GSPT1: variants seen among roughly 807,000 people sequenced by gnomAD.
GSPT1 encodes eukaryotic peptide chain release factor GTP-binding subunit ERF3A.
Under a neutral mutation model 72.5 loss-of-function variants are expected in GSPT1, and 20 were observed. The observed-to-expected ratio is 0.28, with a 90% confidence interval of 0.19 to 0.40. The LOEUF (loss-of-function observed/expected upper bound fraction) is 0.40, where lower values mean the gene tolerates loss of function less well. Ranked by LOEUF, GSPT1 falls within the 10% of genes least tolerant of loss-of-function variation. The pLI, the probability that GSPT1 is intolerant of heterozygous loss-of-function variation, is 1.00. For missense variants in GSPT1, 580 were observed against 811.9 expected, an observed-to-expected ratio of 0.71 and a Z score of 3.47; for synonymous variants, 334 against 293.5, an observed-to-expected ratio of 1.14 and a Z score of -1.41.
intron 1 of GSPT1, among the ~76,000 whole-genome samples, chr16:11,914,821 G>A (rs1351701143): frequency 6.6e-6 from 1 of 152,182 alleles, no homozygotes; most frequent in African/African-American, 2.4e-5. Flanking sequence ...AGGCTGCAAT[G>A]CATCTTGGGA....
Position 11,883,036 on chromosome 16 carries a change from C to T in GSPT1, c.1407G>A (p.Gln469=), listed in dbSNP as rs768847577. Residue 469 remains glutamine, a synonymous_variant, in exon 11 of 15, where the codon CAG becomes CAA. Coordinates refer to ENST00000434724, the MANE Select transcript of GSPT1 (RefSeq NM_002094.4). ...TTACCTTGTTTGGCATCATCACAAG[C>T]TGCTGGCCTTTACAAATAGATCCTG... ...LESGSICKGQ[Q]LVMMPNKHNV... is the part of the protein sequence containing the mutation. 2 of 1,602,558 alleles carry T rather than the reference C, an allele frequency of 1.2e-6. No individual in the cohort carries two copies. The highest frequency in any genetic ancestry group is 1.3e-5 in the African/African-American group (1 of 74,820).
chr16:11,901,707 G>A (rs1449591044), intron 1 of GSPT1, among the ~76,000 whole-genome samples: 3 of 151,436 alleles, frequency 2.0e-5, no homozygotes, highest in Non-Finnish European at 4.4e-5. Context: ...CAGGAGAATC[G>A]CTTGAGCCCA....
chr16:11,901,360 A>T (rs749154881), intron 1 of GSPT1, among the ~76,000 whole-genome samples: 1 of 152,150 alleles, frequency 6.6e-6, no homozygotes, highest in Non-Finnish European at 1.5e-5. Context: ...AATTTCTCAC[A>T]TCCTACATGG....
intron 14 of GSPT1, among the ~76,000 whole-genome samples, chr16:11,874,496 A>G (rs1042995015): frequency 1.2e-4 from 14 of 116,878 alleles, no homozygotes; most frequent in African/African-American, 4.2e-4. Context: ...AAGCCAAGTT[A>G]GCTTTTAGGA....
chr16:11,888,039 G>A (rs1306603123), intron 6 of GSPT1, among the ~76,000 whole-genome samples: 2 of 152,170 alleles, frequency 1.3e-5, no homozygotes, highest in Non-Finnish European at 2.9e-5. Context: ...GAGCCCACCT[G>A]TAGTACTTAG....
Position 11,915,789 on chromosome 16 carries a change from G to A in GSPT1, c.-69C>T, listed in dbSNP as rs772243078. 6 of 1,580,004 alleles carry A rather than the reference G, an allele frequency of 3.8e-6. No homozygotes were observed. In the South Asian group the frequency reaches 4.4e-5, roughly 12 times the overall value. The stretch of plus-strand genomic sequence containing the variant: ...GAGGCAGGGGCGCCCGGCCGGAGAG[G>A]AGTGGGCAACGCTGACTGAGGGAAG... On this transcript the variant is annotated 5_prime_UTR_variant, in exon 1 of 15. Transcript: ENST00000434724.
chr16:11,916,410 T>C (rs2054638268), upstream of GSPT1, among the ~76,000 whole-genome samples: 1 of 152,176 alleles, frequency 6.6e-6, no homozygotes, highest in Admixed American at 6.5e-5. Flanking sequence ...ATCTATAACA[T>C]GGGGAAGAAA....
chr16:11,907,616 T>C (rs534722832), intron 1 of GSPT1, among the ~76,000 whole-genome samples: 12 of 106,792 alleles, frequency 1.1e-4, no homozygotes, highest in Admixed American at 9.4e-4. Flanking sequence ...TCCCGCCCCC[T>C]GTTATTAAAC....
Position 11,915,819 on chromosome 16 carries a change from C to G in GSPT1, c.-99G>C, listed in dbSNP as rs538597991. 150 of 1,551,008 alleles carry G rather than the reference C, an allele frequency of 9.7e-5. 1 individual carries two copies. The African/African-American group carries it at 1.9e-3, about 20-fold the overall frequency. On this transcript the variant is annotated 5_prime_UTR_variant, in exon 1 of 15. Transcript: ENST00000434724. ...GGCAACGCTGACTGAGGGAAGGCGGCGGGGCAGAAGGGCCGGGAGCTAGCG... is the reference window on the plus strand; with the variant it reads ...GGCAACGCTGACTGAGGGAAGGCGGGGGGGCAGAAGGGCCGGGAGCTAGCG...
At chr16:11,904,215 A>AT (rs551358187) in intron 1 of GSPT1, 88 of 157,892 alleles carry the variant, frequency 5.6e-4, no homozygotes, top group Non-Finnish European at 7.2e-4. Context: ...ATTTTATTTT[A>AT]TTTATTTATT....
At chr16:11,896,457 A>T in intron 4 of GSPT1, 101 bp downstream of exon 4, 1 of 735,440 alleles carries the variant, frequency 1.4e-6, no homozygotes, top group Non-Finnish European at 2.2e-6. Flanking sequence ...AGACATTTTC[A>T]ATTAATTTCC....
chr16:11,885,398 A>C, intron 9 of GSPT1, 124 bp from the exon 10 acceptor site: 1 of 618,994 alleles, frequency 1.6e-6, no homozygotes, highest in Non-Finnish European at 3.0e-6. Flanking sequence ...CCATTCAACC[A>C]CTTTATTATC....
At chr16:11,876,718 G>A (rs572157437) in intron 12 of GSPT1, among the ~76,000 whole-genome samples, 1 of 152,276 alleles carries the variant, frequency 6.6e-6, no homozygotes, top group East Asian at 1.9e-4. Flanking sequence ...ACTCCAGCCT[G>A]GGTGACAGAG....
chr16:11,914,776 C>A (rs1170641100), intron 1 of GSPT1, among the ~76,000 whole-genome samples: 14 of 152,188 alleles, frequency 9.2e-5, no homozygotes, highest in Non-Finnish European at 1.5e-5. Context: ...TAAAACAGAT[C>A]TTGGTATTGA....
At chr16:11,910,483 G>A (rs1422966907) in intron 1 of GSPT1, among the ~76,000 whole-genome samples, 1 of 152,180 alleles carries the variant, frequency 6.6e-6, no homozygotes, top group African/African-American at 2.4e-5. Flanking sequence ...TTGTTAATGA[G>A]TCGCTAGTAC....
chr16:11,883,015 C>T lies in GSPT1; in HGVS notation c.1428G>A (p.Lys476=). ...AGGAAACAGCATAACCGATTCTTAC[C>T]TTGTTTGGCATCATCACAAGCTGCT... ...KGQQLVMMPN[K]HNVEVLGILS... is the part of the protein sequence containing the mutation. Residue 476 remains lysine, a splice_region_variant and synonymous_variant, in exon 11 of 15, where the codon AAG becomes AAA. Coordinates refer to ENST00000434724, the MANE Select transcript of GSPT1 (RefSeq NM_002094.4). 2 of 1,584,318 alleles carry T rather than the reference C, an allele frequency of 1.3e-6. No individual in the cohort carries two copies. The highest frequency in any genetic ancestry group is 1.7e-6 in the Non-Finnish European group (2 of 1,152,924).
chr16:11,872,761 G>T lies in GSPT1; in HGVS notation c.*358C>A, dbSNP rs888445788. ...CTCGCACACTCAGAATGATCTGCCT[G>T]GGGGAAAAATACTAAATATGCCTAA... is the stretch of plus-strand genomic sequence containing the variant. On this transcript the variant is annotated 3_prime_UTR_variant, in exon 15 of 15. Transcript: ENST00000434724. 1.1e-5 allele frequency: 2 copies of T among 188,060 alleles called. No homozygotes were observed. Among genetic ancestry groups the T allele is most frequent in the Non-Finnish European group, 2.2e-5 (2 of 91,266 alleles). The allele number at this position is 188,060 out of a possible 1,614,324, so 11.6% of individuals were successfully genotyped here.
At position 11,870,293 on chromosome 16, in the gene GSPT1, G is replaced by T. The variant is rs2053964469; in HGVS notation, c.*2826C>A. The T allele has an allele frequency of 6.6e-6, 1 of 152,088 alleles. No homozygotes were observed. The highest frequency in any genetic ancestry group is 2.4e-5 in the African/African-American group (1 of 41,412). The allele number at this position is 152,088 out of a possible 1,614,324, so 9.4% of individuals were successfully genotyped here. A position where few individuals can be genotyped will look rare whatever the true frequency, so the allele number is the denominator to read the frequency against. Reference sequence around the variant, plus strand: ...TGTATTTCCCCCTCTCCCACAGTAAGAAACAAGGGTTTAAAATGGCAATTA... The same window carrying T: ...TGTATTTCCCCCTCTCCCACAGTAATAAACAAGGGTTTAAAATGGCAATTA... On this transcript the variant is annotated 3_prime_UTR_variant, in exon 15 of 15. Transcript: ENST00000434724.
intron 5 of GSPT1, among the ~76,000 whole-genome samples, chr16:11,893,910 G>C (rs1404363425): frequency 2.0e-5 from 3 of 151,902 alleles, no homozygotes; most frequent in Non-Finnish European, 4.4e-5. Flanking sequence ...CCAGCACTTT[G>C]GGAGGCAGTA....
Sources: allele counts gnomAD v4.1 joint callset (sites outside exome capture counted in the v4.1 genomes callset), GRCh38; gene constraint gnomAD v4.1.1; transcripts MANE v1.5; gene names NCBI Gene and HGNC (gene_info 2026-07-23, HGNC 2026-07-21).